FAM120B: variants seen among roughly 807,000 people sequenced by gnomAD.
FAM120B encodes family with sequence similarity 120 member B.
A neutral mutation model predicts 96.3 loss-of-function variants in FAM120B; 83 were observed. The observed-to-expected ratio is 0.86, with a 90% CI of 0.72 to 1.03. FAM120B has a LOEUF of 1.03. Among genes scored for constraint, FAM120B ranks in the 50% least tolerant of loss-of-function variants. The pLI, the probability that FAM120B is intolerant of heterozygous loss-of-function variation, is 0.00. For missense variants in FAM120B, 1,027 were observed against 1,121.2 expected, an observed-to-expected ratio of 0.92 and a Z score of 1.20; for synonymous variants, 407 against 402.7, an observed-to-expected ratio of 1.01 and a Z score of -0.13.
intron 6 of FAM120B, among the ~76,000 whole-genome samples, chr6:170,374,582 G>T (rs1341835515): frequency 6.6e-6 from 1 of 152,182 alleles, no homozygotes; most frequent in South Asian, 2.1e-4. Context: ...CGTAACACTC[G>T]TTCAGAGCAC....
intron 6 of FAM120B, among the ~76,000 whole-genome samples, chr6:170,364,542 A>G (rs1042916312): frequency 6.6e-6 from 1 of 152,244 alleles, no homozygotes; most frequent in Non-Finnish European, 1.5e-5. Flanking sequence ...CCTGCAATTT[A>G]AAAGTATACA....
chr6:170,374,947 A>G (rs1241648473), intron 6 of FAM120B, among the ~76,000 whole-genome samples: 4 of 152,210 alleles, frequency 2.6e-5, no homozygotes, highest in African/African-American at 9.6e-5. Flanking sequence ...CCACATTTGC[A>G]CTTGGTTCAG....
chr6:170,317,199 CAT>C (rs753996449), intron 1 of FAM120B, among the ~76,000 whole-genome samples, 169 bp from the exon 2 acceptor site: 48 of 152,272 alleles, frequency 3.2e-4, no homozygotes, highest in Non-Finnish European at 5.4e-4. Flanking sequence ...TAAAGTTCCT[CAT>C]ATGTTTGAAT....
intron 6 of FAM120B, among the ~76,000 whole-genome samples, chr6:170,378,866 G>C (rs1789737081): frequency 6.6e-6 from 1 of 152,174 alleles, no homozygotes; most frequent in East Asian, 1.9e-4. Flanking sequence ...GCTAAGACTT[G>C]AAAAAATAAG....
intron 1 of FAM120B, among the ~76,000 whole-genome samples, chr6:170,313,487 G>A (rs1784720251): frequency 6.6e-6 from 1 of 152,178 alleles, no homozygotes; most frequent in Non-Finnish European, 1.5e-5. Flanking sequence ...TTGTCATACT[G>A]GGCTGTTGTT....
At chr6:170,353,572 C>T (rs1308632666) in intron 5 of FAM120B, among the ~76,000 whole-genome samples, 3 of 151,988 alleles carry the variant, frequency 2.0e-5, no homozygotes, top group East Asian at 1.9e-4. Context: ...TGACTTTATC[C>T]GTGGGAACTA....
intron 8 of FAM120B, 72 bp from the exon 9 acceptor site, chr6:170,395,415 C>T (rs2115329661): frequency 1.6e-6 from 2 of 1,228,800 alleles, no homozygotes; most frequent in East Asian, 5.1e-5. Context: ...GCCTTGCCAC[C>T]CTTTACATGC....
At chr6:170,338,652 T>G (rs2115099404) in intron 4 of FAM120B, among the ~76,000 whole-genome samples, 1 of 152,242 alleles carries the variant, frequency 6.6e-6, no homozygotes, top group Admixed American at 6.5e-5. Context: ...TGTGTGGGAG[T>G]CTAAGTCTCT....
In FAM120B at chr6:170,295,832, G is replaced by T. The variant is rs1448634589; in HGVS notation, c.48+379G>T. Among the ~76,000 whole-genome samples, 2 of 152,104 alleles carry T rather than the reference G, an allele frequency of 1.3e-5. No homozygotes were observed. The highest frequency in any genetic ancestry group is 2.9e-5 in the Non-Finnish European group (2 of 67,992). ...GAACCGCGCCACGGGCCCGCGAGAC[G>T]CCCACCTCTCGCGTGCGTGGAGCCC... On this transcript the variant is annotated intron_variant, in intron 1 of 10. Coordinates refer to the FAM120B transcript ENST00000537664. This position sits in a 1 kb window ranked among gnomAD's most constrained non-coding sequence, Gnocchi z 7.8.
At chr6:170,316,411 C>A (rs771104181) in intron 1 of FAM120B, among the ~76,000 whole-genome samples, 32 of 151,656 alleles carry the variant, frequency 2.1e-4, no homozygotes, top group Non-Finnish European at 1.6e-4. Context: ...TTAAAGAAAA[C>A]TATAGTGGAA....
intron 6 of FAM120B, among the ~76,000 whole-genome samples, chr6:170,378,530 A>G (rs1230235940): frequency 6.6e-6 from 1 of 152,264 alleles, no homozygotes; most frequent in East Asian, 1.9e-4. Flanking sequence ...CGCCTATTCT[A>G]TGCCAGACTC....
At chr6:170,326,126 C>T (rs1443885285) in intron 3 of FAM120B, among the ~76,000 whole-genome samples, 1 of 152,070 alleles carries the variant, frequency 6.6e-6, no homozygotes, top group Non-Finnish European at 1.5e-5. Flanking sequence ...CATAGTTTCC[C>T]ATGTACCCTT....
At chr6:170,361,210 A>ATATATATATATATACGTG (rs1788375290) in intron 6 of FAM120B, among the ~76,000 whole-genome samples, 2 of 96,566 alleles carry the variant, frequency 2.1e-5, no homozygotes, top group Non-Finnish European at 4.1e-5. Context: ...ATATATATAT[A>ATATATATATATATACGTG]TATATATATA....
At chr6:170,358,170 A>G in intron 5 of FAM120B, 56 bp from the exon 6 acceptor site, 9 of 1,409,480 alleles carry the variant, frequency 6.4e-6, no homozygotes, top group Non-Finnish European at 8.9e-6. Flanking sequence ...ATCAATTTGT[A>G]AGAAATGTTT....
intron 3 of FAM120B, among the ~76,000 whole-genome samples, chr6:170,327,163 C>T (rs1785646534): frequency 6.6e-6 from 1 of 152,102 alleles, no homozygotes; most frequent in South Asian, 2.1e-4. Context: ...TCTCCTGCCT[C>T]AGCCTCCCAA....
intron 2 of FAM120B, among the ~76,000 whole-genome samples, chr6:170,321,232 C>G (rs191267345): frequency 6.6e-6 from 1 of 152,358 alleles, no homozygotes; most frequent in Non-Finnish European, 1.5e-5. Context: ...CAAACCCTAA[C>G]AGGCAACTAA....
chr6:170,380,847 T>C (rs1789861882), intron 6 of FAM120B, among the ~76,000 whole-genome samples: 2 of 152,246 alleles, frequency 1.3e-5, no homozygotes, highest in African/African-American at 4.8e-5. Context: ...TAAGCTTTGC[T>C]ATGTGAGGTA....
upstream of FAM120B, chr6:170,290,913 TGC>T: frequency 1.4e-6 from 1 of 695,314 alleles, no homozygotes; most frequent in African/African-American, 1.8e-5. The surrounding 1 kb of genome is among the most constrained non-coding windows in gnomAD (Gnocchi z 4.7). Context: ...TCTCCGCGGG[TGC>T]GCGCAGAGGA....
At chr6:170,320,285 T>C (rs536030372) in intron 2 of FAM120B, among the ~76,000 whole-genome samples, 113 of 152,314 alleles carry the variant, frequency 7.4e-4, no homozygotes, top group African/African-American at 2.2e-3. Context: ...TGTGTGGTGA[T>C]ACCTGGAGGG....
Sources: allele counts gnomAD v4.1 joint callset (sites outside exome capture counted in the v4.1 genomes callset), GRCh38; gene constraint gnomAD v4.1.1; non-coding constraint Gnocchi (gnomAD v3.1); transcripts MANE v1.5; gene names NCBI Gene and HGNC (gene_info 2026-07-23, HGNC 2026-07-21).